The following RANBP17 variants were observed in gnomAD, a reference collection of about 807,000 sequenced individuals.
RANBP17 encodes the protein RAN binding protein 17, also known as ran-binding protein 17.
RANBP17 carries 158 observed loss-of-function variants against 141.2 expected under a neutral mutation model. That is an observed-to-expected ratio of 1.12 (90% CI 0.98 to 1.28). RANBP17 has a LOEUF of 1.28. RANBP17 is among the 50% of genes most tolerant of loss of function. RANBP17 has a pLI of 0.00. For synonymous variants in RANBP17, 430 were observed against 450.0 expected (o/e 0.96, Z 0.56); for missense variants, 1,438 against 1,290.7 (o/e 1.11, Z -1.75).
chr5:171,051,066 T>C (rs1483147970), intron 14 of RANBP17, among the ~76,000 whole-genome samples: 5 of 152,160 alleles, frequency 3.3e-5, no homozygotes, highest in Non-Finnish European at 7.4e-5. Flanking sequence ...GTTATTCCCC[T>C]CTATGTTATG....
chr5:170,996,358 G>A (rs754039921), intron 14 of RANBP17, among the ~76,000 whole-genome samples: 22 of 152,168 alleles, frequency 1.4e-4, no homozygotes, highest in South Asian at 2.1e-4. Flanking sequence ...ATTTGACTTG[G>A]AGTGATTGTC....
At chr5:171,262,376 T>C (rs1384972970) in intron 24 of RANBP17, among the ~76,000 whole-genome samples, 1 of 152,224 alleles carries the variant, frequency 6.6e-6, no homozygotes, top group Non-Finnish European at 1.5e-5. Flanking sequence ...CCCAGAGTTG[T>C]AAAACCAAAG....
At chr5:170,951,522 A>G (rs192233556) in intron 12 of RANBP17, among the ~76,000 whole-genome samples, 5 of 152,278 alleles carry the variant, frequency 3.3e-5, no homozygotes, top group Non-Finnish European at 5.9e-5. Flanking sequence ...TTCCATTTAT[A>G]TGAATTGCCC....
Position 170,911,031 on chromosome 5 carries a change from G to C in RANBP17, c.657G>C (p.Leu219Phe), listed in dbSNP as rs764651226. 10 of 1,612,046 alleles carry C rather than the reference G, an allele frequency of 6.2e-6. No individual in the cohort carries two copies. Among genetic ancestry groups the C allele is most frequent in the South Asian group, 4.4e-5 (4 of 91,006 alleles). Residue 219 changes from leucine (L) to phenylalanine (F), a missense_variant, in exon 7 of 28, where the codon TTG becomes TTC. Coordinates refer to ENST00000523189, the MANE Select transcript of RANBP17 (RefSeq NM_022897.5). ...QCQQNLVMQV[L>F]KLVLNCLNFD... Reference sequence around the variant, plus strand: ...AGCAAAATCTGGTAATGCAGGTCTTGAAACTGGTCCTTAACTGCCTTAACT... The same window carrying C: ...AGCAAAATCTGGTAATGCAGGTCTTCAAACTGGTCCTTAACTGCCTTAACT...
chr5:171,006,939 C>T (rs1030181435), intron 14 of RANBP17, among the ~76,000 whole-genome samples: 3 of 152,006 alleles, frequency 2.0e-5, no homozygotes, highest in Non-Finnish European at 2.9e-5. Context: ...CAGGAAACCA[C>T]GTAATCTCGC....
intron 12 of RANBP17, among the ~76,000 whole-genome samples, chr5:170,932,621 G>T (rs1448190937): frequency 1.3e-5 from 2 of 152,046 alleles, no homozygotes; most frequent in African/African-American, 4.8e-5. Context: ...AGCATGAAGG[G>T]CTGTTGAATT....
intron 14 of RANBP17, among the ~76,000 whole-genome samples, chr5:171,137,309 C>T (rs1757352256): frequency 6.6e-6 from 1 of 152,102 alleles, no homozygotes; most frequent in African/African-American, 2.4e-5. Flanking sequence ...CACCAGTGCT[C>T]ATTAGCAGTT....
chr5:171,215,384 C>T (rs1057184566), intron 21 of RANBP17, among the ~76,000 whole-genome samples: 5 of 151,996 alleles, frequency 3.3e-5, no homozygotes, highest in Non-Finnish European at 7.4e-5. Context: ...TGTATGTTTA[C>T]AGTAGAATGA....
chr5:170,870,938 T>C (rs1767669078), intron 1 of RANBP17, among the ~76,000 whole-genome samples: 1 of 152,190 alleles, frequency 6.6e-6, no homozygotes, highest in Non-Finnish European at 1.5e-5. Context: ...TGGTATCTGG[T>C]TGTGGTTTTG....
At position 170,878,134 on chromosome 5, in the gene RANBP17, A is replaced by G. The variant is rs35072614; in HGVS notation, c.56A>G (p.Tyr19Cys). The G allele has an allele frequency of 7.2e-4, 1,155 of 1,611,826 alleles. 3 individuals are homozygous for G. Among genetic ancestry groups the G allele is most frequent in the Non-Finnish European group, 8.9e-4 (1,054 of 1,178,914 alleles). Residue 19 changes from tyrosine to cysteine, a missense_variant, in exon 2 of 28, where the codon TAC becomes TGC. Physicochemically the swap from Tyr to Cys is radical, Grantham distance 194 (BLOSUM62 -2). Transcript: ENST00000523189. ...TTGGAAGTGTTATGTACTCATCTCT[A>G]CATAGGGACTGATCTTACACAAAGA... Reference protein sequence around the residue: ...AELEVLCTHLYIGTDLTQRIE... With the variant: ...AELEVLCTHLCIGTDLTQRIE...
At chr5:171,173,125 C>T (rs2127889849) in intron 16 of RANBP17, among the ~76,000 whole-genome samples, 1 of 151,942 alleles carries the variant, frequency 6.6e-6, no homozygotes, top group East Asian at 1.9e-4. Flanking sequence ...TCATTATGTC[C>T]CTTCTAGCTG....
At chr5:171,025,019 G>C (rs943060556) in intron 14 of RANBP17, among the ~76,000 whole-genome samples, 1 of 152,140 alleles carries the variant, frequency 6.6e-6, no homozygotes, top group South Asian at 2.1e-4. Context: ...CTCTCTTTCA[G>C]TAAATGGCAT....
intron 14 of RANBP17, among the ~76,000 whole-genome samples, chr5:171,071,774 A>G (rs190601347): frequency 2.0e-5 from 3 of 152,010 alleles, no homozygotes; most frequent in Non-Finnish European, 4.4e-5. Context: ...TAAAACTTCT[A>G]GAAGAAAACA....
At chr5:170,948,562 A>G (rs747201848) in intron 12 of RANBP17, among the ~76,000 whole-genome samples, 15 of 152,208 alleles carry the variant, frequency 9.9e-5, no homozygotes, top group Non-Finnish European at 1.2e-4. Context: ...GAAATTAAAG[A>G]TATAAATAAA....
intron 14 of RANBP17, among the ~76,000 whole-genome samples, chr5:171,157,960 A>G (rs1759023406): frequency 6.6e-6 from 1 of 152,138 alleles, no homozygotes; most frequent in Non-Finnish European, 1.5e-5. Flanking sequence ...GTTTAGTGCT[A>G]TGGTTGTATA....
intron 14 of RANBP17, among the ~76,000 whole-genome samples, chr5:171,098,484 G>T (rs1268684692): frequency 6.6e-6 from 1 of 152,076 alleles, no homozygotes; most frequent in Non-Finnish European, 1.5e-5. Context: ...TGATAGCGTT[G>T]TTCATTTTTT....
At chr5:170,921,505 T>C (rs1271571480) in intron 11 of RANBP17, among the ~76,000 whole-genome samples, 1 of 152,190 alleles carries the variant, frequency 6.6e-6, no homozygotes. Context: ...GTAGTATAGT[T>C]TGAAGTCAGG....
chr5:170,916,715 AGC>A, intron 9 of RANBP17, 131 bp downstream of exon 9: 1 of 435,184 alleles, frequency 2.3e-6, no homozygotes, highest in South Asian at 6.4e-5. Context: ...TCTTCCTTAG[AGC>A]TTTTTTTTTT....
chr5:171,283,399 A>G (rs1767967449), intron 25 of RANBP17, among the ~76,000 whole-genome samples: 1 of 152,230 alleles, frequency 6.6e-6, no homozygotes. Context: ...CAACGCTTTC[A>G]GTCACTAGCA....
Sources: allele counts gnomAD v4.1 joint callset (sites outside exome capture counted in the v4.1 genomes callset), GRCh38; gene constraint gnomAD v4.1.1; transcripts MANE v1.5; gene names NCBI Gene and HGNC (gene_info 2026-07-23, HGNC 2026-07-21).